Variants in PDE4D observed in about 807,000 individuals in gnomAD.
The protein encoded by PDE4D is phosphodiesterase 4D, also known as 3',5'-cyclic-AMP phosphodiesterase 4D.
A neutral mutation model predicts 87.4 loss-of-function variants in PDE4D; 24 were observed. The observed-to-expected ratio is 0.27, with a 90% CI of 0.20 to 0.39. PDE4D has a LOEUF of 0.39. Among genes scored for constraint, PDE4D ranks in the 10% least tolerant of loss-of-function variants. The probability of loss-of-function intolerance (pLI) is 1.00; values close to 1 mark genes in which losing one functional copy is unlikely to be tolerated. For synonymous variants in PDE4D, 384 were observed against 383.2 expected, an observed-to-expected ratio of 1.00 and a Z score of -0.02; for missense variants, 714 against 1,041.0, an observed-to-expected ratio of 0.69 and a Z score of 4.32.
intron 1 of PDE4D, among the ~76,000 whole-genome samples, chr5:59,617,269 T>G (rs887142791): frequency 6.6e-6 from 1 of 152,086 alleles, no homozygotes; most frequent in Non-Finnish European, 1.5e-5. Context: ...TAGCCCTGTA[T>G]AGTGAAAGTC....
At chr5:60,127,942 T>A (rs1454540576) in intron 2 of PDE4D, among the ~76,000 whole-genome samples, 1 of 151,802 alleles carries the variant, frequency 6.6e-6, no homozygotes, top group Non-Finnish European at 1.5e-5. Context: ...AAATAGAAGT[T>A]AAAAGGGAGA....
At chr5:59,180,382 G>A (rs1299586456) in intron 5 of PDE4D, 1 of 703,520 alleles carries the variant, frequency 1.4e-6, no homozygotes, top group Admixed American at 1.9e-5. Context: ...TAAAAATAAT[G>A]TACATCAGTA....
chr5:59,105,598 A>C (rs1771460646), intron 5 of PDE4D, among the ~76,000 whole-genome samples: 1 of 152,220 alleles, frequency 6.6e-6, no homozygotes, highest in Non-Finnish European at 1.5e-5. Flanking sequence ...ATAGAAATCA[A>C]ATGATAATTG....
At chr5:60,277,319 A>G (rs1192449533) in intron 1 of PDE4D, among the ~76,000 whole-genome samples, 1 of 152,142 alleles carries the variant, frequency 6.6e-6, no homozygotes, top group Non-Finnish European at 1.5e-5. Flanking sequence ...ATATCAAAAA[A>G]GAAGAAGTAA....
chr5:59,400,745 TAAA>T (rs773818889), intron 1 of PDE4D, among the ~76,000 whole-genome samples: 1 of 55,334 alleles, frequency 1.8e-5, no homozygotes, highest in African/African-American at 7.2e-5. Flanking sequence ...ATAAAAAAAA[TAAA>T]AAAATAAATC....
chr5:60,415,229 T>C (rs1285975211), intron 1 of PDE4D, among the ~76,000 whole-genome samples: 1 of 152,276 alleles, frequency 6.6e-6, no homozygotes, highest in African/African-American at 2.4e-5. Context: ...GTAAGTCATA[T>C]GTACCCCATC....
intron 3 of PDE4D, among the ~76,000 whole-genome samples, chr5:59,909,737 G>A (rs1037451520): frequency 6.6e-6 from 1 of 151,824 alleles, no homozygotes; most frequent in East Asian, 1.9e-4. Flanking sequence ...TTCCTTTCTC[G>A]TTCTCCCTAT....
intron 1 of PDE4D, chr5:60,460,433 G>C: frequency 7.3e-7 from 1 of 1,371,212 alleles, no homozygotes; most frequent in South Asian, 1.2e-5. Context: ...GACACTTGTG[G>C]ATGCTTGACA....
intron 1 of PDE4D, among the ~76,000 whole-genome samples, chr5:59,494,393 C>G (rs1392960970): frequency 6.6e-6 from 1 of 152,194 alleles, no homozygotes. Context: ...TCCTGAACAT[C>G]TGTTAGGGAA....
chr5:60,419,270 A>T (rs1410188959), intron 1 of PDE4D, among the ~76,000 whole-genome samples: 1 of 152,180 alleles, frequency 6.6e-6, no homozygotes, highest in African/African-American at 2.4e-5. Flanking sequence ...GGTATTTCAT[A>T]AAACTGAGTA....
At chr5:60,090,371 A>C (rs1774996457) in intron 2 of PDE4D, among the ~76,000 whole-genome samples, 1 of 152,196 alleles carries the variant, frequency 6.6e-6, no homozygotes, top group Non-Finnish European at 1.5e-5. Context: ...GGGATAATTC[A>C]ACATATGTAA....
intron 3 of PDE4D, among the ~76,000 whole-genome samples, chr5:59,929,993 A>C (rs2152786826): frequency 6.6e-6 from 1 of 152,162 alleles, no homozygotes; most frequent in East Asian, 1.9e-4. Flanking sequence ...AGTGAGCCCT[A>C]GTCTCAAGGT....
intron 1 of PDE4D, among the ~76,000 whole-genome samples, chr5:60,382,583 A>G (rs868849604): frequency 2.6e-5 from 4 of 151,578 alleles, no homozygotes; most frequent in Admixed American, 1.3e-4. Context: ...CATTTCAGAA[A>G]CTCCTTTAAA....
intron 1 of PDE4D, among the ~76,000 whole-genome samples, chr5:59,795,044 G>T (rs185009344): frequency 2.0e-5 from 3 of 152,240 alleles, no homozygotes; most frequent in Admixed American, 6.5e-5. Context: ...GCAATACCAG[G>T]ACTCATATCC....
At chr5:60,403,356 C>T (rs186920062) in intron 1 of PDE4D, among the ~76,000 whole-genome samples, 1 of 152,320 alleles carries the variant, frequency 6.6e-6, no homozygotes, top group Admixed American at 6.5e-5. Flanking sequence ...CTCCCCAAAT[C>T]ATTGTACTTA....
At chr5:60,134,159 C>T (rs1011375583) in intron 2 of PDE4D, among the ~76,000 whole-genome samples, 3 of 152,056 alleles carry the variant, frequency 2.0e-5, no homozygotes, top group Non-Finnish European at 4.4e-5. Flanking sequence ...TGTTTTAATA[C>T]AACTGGTTTC....
At chr5:59,994,522 A>AT (rs1309680241) in intron 2 of PDE4D, among the ~76,000 whole-genome samples, 1 of 152,114 alleles carries the variant, frequency 6.6e-6, no homozygotes, top group Non-Finnish European at 1.5e-5. Flanking sequence ...ATGCTCATTG[A>AT]TTATAAGTTA....
chr5:59,625,169 C>T (rs926681461), intron 1 of PDE4D, among the ~76,000 whole-genome samples: 3 of 152,014 alleles, frequency 2.0e-5, no homozygotes, highest in African/African-American at 7.3e-5. Context: ...CTTTCTTTAG[C>T]TAGAAGCAAA....
In PDE4D at chr5:59,267,345, T is replaced by G. The variant is rs534688775; in HGVS notation, c.456-51377A>C. Among the ~76,000 whole-genome samples, 11 of 152,208 alleles carry G rather than the reference T, an allele frequency of 7.2e-5. 1 individual carries two copies. In the South Asian group the frequency reaches 8.3e-4, roughly 11 times the overall value. ...CATCCTGAATGTTAGGAATTATTAT[T>G]TTCTGTATTCCATATGAATGTCTCA... On this transcript the variant is annotated intron_variant, in intron 1 of 14. Transcript: ENST00000340635.
Sources: allele counts gnomAD v4.1 joint callset (sites outside exome capture counted in the v4.1 genomes callset), GRCh38; gene constraint gnomAD v4.1.1; transcripts MANE v1.5; gene names NCBI Gene and HGNC (gene_info 2026-07-23, HGNC 2026-07-21).